Variants in LDLRAD4 observed in about 807,000 individuals in gnomAD.
The protein encoded by LDLRAD4 is low density lipoprotein receptor class A domain containing 4.
Under a neutral mutation model 17.0 loss-of-function variants are expected in LDLRAD4, and 5 were observed. The ratio of observed to expected loss-of-function variants is 0.29; its 90% CI spans 0.15 to 0.62. The LOEUF (loss-of-function observed/expected upper bound fraction) is 0.62, where lower values mean the gene tolerates loss of function less well. LDLRAD4 is among the 20% of genes least tolerant of loss of function. The pLI is 0.84. For synonymous variants in LDLRAD4, 168 were observed against 171.8 expected (o/e 0.98, Z 0.17); for missense variants, 340 against 424.7 (o/e 0.80, Z 1.75).
chr18:13,465,964 C>G (rs924119926), intron 3 of LDLRAD4, among the ~76,000 whole-genome samples: 4 of 152,210 alleles, frequency 2.6e-5, no homozygotes, highest in African/African-American at 7.2e-5. Flanking sequence ...CTATCTGTCT[C>G]TCCTCTCAGA....
intron 3 of LDLRAD4, chr18:13,521,309 T>C (rs775025565): frequency 1.3e-5 from 2 of 152,208 alleles, no homozygotes; most frequent in Non-Finnish European, 2.9e-5. Context: ...GAAGATTAAT[T>C]ACCTTCTTGT....
chr18:13,308,448 C>T (rs1437917466), intron 1 of LDLRAD4, among the ~76,000 whole-genome samples: 1 of 152,204 alleles, frequency 6.6e-6, no homozygotes, highest in Non-Finnish European at 1.5e-5. Context: ...TGTGCCAAGG[C>T]CAGAGCGTGT....
At chr18:13,519,738 C>G (rs2093925024) in intron 3 of LDLRAD4, 1 of 152,132 alleles carries the variant, frequency 6.6e-6, no homozygotes, top group Admixed American at 6.5e-5. Context: ...GCACTTCCAG[C>G]CTGGGTGACA....
intron 1 of LDLRAD4, among the ~76,000 whole-genome samples, chr18:13,230,700 G>A (rs931181107): frequency 6.6e-6 from 1 of 152,124 alleles, no homozygotes; most frequent in East Asian, 1.9e-4. Context: ...GAGTGTCATG[G>A]GTAGATGCTA....
chr18:13,628,295 A>G (rs1159020150), intron 4 of LDLRAD4, among the ~76,000 whole-genome samples: 7 of 152,214 alleles, frequency 4.6e-5, no homozygotes, highest in African/African-American at 7.2e-5. Flanking sequence ...AGACTAAAGA[A>G]AAGAGCCACA....
chr18:13,503,363 C>T (rs536903405), intron 3 of LDLRAD4, among the ~76,000 whole-genome samples: 8 of 152,342 alleles, frequency 5.3e-5, no homozygotes, highest in South Asian at 2.1e-4. Flanking sequence ...TGTTCCCAGC[C>T]GGCAGCGTGG....
At chr18:13,346,100 G>A (rs1029164732) in intron 1 of LDLRAD4, among the ~76,000 whole-genome samples, 1 of 152,130 alleles carries the variant, frequency 6.6e-6, no homozygotes, top group South Asian at 2.1e-4. Context: ...CCTGATCTTA[G>A]TTATTTCTTG....
chr18:13,612,603 G>T (rs2039690144), intron 3 of LDLRAD4: 1 of 1,575,890 alleles, frequency 6.3e-7, no homozygotes, highest in Non-Finnish European at 8.6e-7. Context: ...TATAACTGCA[G>T]CTCTGAGCTG....
intron 3 of LDLRAD4, among the ~76,000 whole-genome samples, chr18:13,588,769 A>G (rs1432066945): frequency 1.3e-5 from 2 of 152,028 alleles, no homozygotes; most frequent in African/African-American, 4.8e-5. Flanking sequence ...GTTTCTTGAA[A>G]CTATCTTGAC....
chr18:13,464,346 G>C (rs1459984672), intron 3 of LDLRAD4, among the ~76,000 whole-genome samples: 1 of 152,224 alleles, frequency 6.6e-6, no homozygotes, highest in Non-Finnish European at 1.5e-5. Context: ...TTTAAACTGT[G>C]TTGTGAGCAA....
At chr18:13,460,608 C>T (rs1172362438) in intron 3 of LDLRAD4, among the ~76,000 whole-genome samples, 2 of 152,192 alleles carry the variant, frequency 1.3e-5, no homozygotes, top group Admixed American at 6.5e-5. Context: ...GAAAATTCTT[C>T]ATATCTGATG....
intron 1 of LDLRAD4, among the ~76,000 whole-genome samples, chr18:13,259,412 A>G (rs1030452258): frequency 6.6e-6 from 1 of 152,096 alleles, no homozygotes; most frequent in African/African-American, 2.4e-5. Context: ...CTGGGCTGAA[A>G]TGATTCTCTT....
intron 1 of LDLRAD4, among the ~76,000 whole-genome samples, chr18:13,292,977 C>G (rs969076256): frequency 6.6e-6 from 1 of 152,216 alleles, no homozygotes; most frequent in African/African-American, 2.4e-5. Context: ...GAGAGAATGC[C>G]CTGGAGGCAG....
intron 1 of LDLRAD4, among the ~76,000 whole-genome samples, chr18:13,246,381 A>G (rs1189955283): frequency 6.6e-6 from 1 of 152,224 alleles, no homozygotes; most frequent in African/African-American, 2.4e-5. Flanking sequence ...TGAGTTTGGG[A>G]TAGACAGTAA....
At chr18:13,532,045 T>G (rs111747017) in intron 3 of LDLRAD4, among the ~76,000 whole-genome samples, 4 of 152,054 alleles carry the variant, frequency 2.6e-5, no homozygotes, top group African/African-American at 9.7e-5. Flanking sequence ...CATGTTACTT[T>G]GGAGGATAAA....
chr18:13,611,562 T>C, intron 3 of LDLRAD4: 1 of 985,400 alleles, frequency 1.0e-6, no homozygotes, highest in African/African-American at 1.7e-5. Flanking sequence ...TTGAACAAAA[T>C]GAACCAGGAG....
At chr18:13,517,834 G>A (rs1713451130) in intron 3 of LDLRAD4, among the ~76,000 whole-genome samples, 1 of 152,134 alleles carries the variant, frequency 6.6e-6, no homozygotes, top group Non-Finnish European at 1.5e-5. Context: ...TGCCTCCCGG[G>A]CTCATGCCAT....
intron 1 of LDLRAD4, among the ~76,000 whole-genome samples, chr18:13,223,026 A>C (rs1352759084): frequency 6.6e-6 from 1 of 152,246 alleles, no homozygotes; most frequent in East Asian, 1.9e-4. Flanking sequence ...ATGTACTTTC[A>C]TCTGGGCAAT....
chr18:13,281,194 C>T (rs1004457025), intron 1 of LDLRAD4, among the ~76,000 whole-genome samples: 1 of 152,138 alleles, frequency 6.6e-6, no homozygotes, highest in Non-Finnish European at 1.5e-5. Flanking sequence ...TGAAACCAGC[C>T]TGGGCAACAT....
Sources: gnomAD v4.1 joint callset for allele counts (sites outside exome capture counted in the v4.1 genomes callset) on GRCh38, gnomAD v4.1.1 for gene constraint, MANE v1.5 for transcripts, NCBI Gene and HGNC (gene_info 2026-07-23, HGNC 2026-07-21) for gene names.